Variants in SUPT3H observed in about 807,000 individuals in gnomAD.
SUPT3H encodes transcription initiation protein SPT3 homolog.
A neutral mutation model predicts 44.3 loss-of-function variants in SUPT3H; 44 were observed. The observed-to-expected ratio is 0.99, with a 90% confidence interval of 0.78 to 1.28. The LOEUF (loss-of-function observed/expected upper bound fraction) is 1.28, where lower values mean the gene tolerates loss of function less well. SUPT3H is among the 50% of genes most tolerant of loss of function. SUPT3H has a pLI of 0.00. For missense variants in SUPT3H, 380 were observed against 387.1 expected, an observed-to-expected ratio of 0.98 and a Z score of 0.15; for synonymous variants, 124 against 125.6, an observed-to-expected ratio of 0.99 and a Z score of 0.09.
At chr6:45,372,088 TG>T (rs1489032078) in intron 1 of SUPT3H, 1 of 911,326 alleles carries the variant, frequency 1.1e-6, no homozygotes, top group Non-Finnish European at 1.3e-6. Context: ...CAGTGAACTG[TG>T]TTGTGAAATA....
rs114378357 is a variant in SUPT3H, at chr6:44,867,604, C to T, written c.913-37747G>A. ...GTAATAAGCAATTCCATCCCCAATGCGGACTTAGAATCACAGCCTACATGT... is the reference window on the plus strand; with the variant it reads ...GTAATAAGCAATTCCATCCCCAATGTGGACTTAGAATCACAGCCTACATGT... On this transcript the variant is annotated intron_variant, in intron 10 of 10. Transcript: ENST00000371459. 2.6e-5 allele frequency among the ~76,000 whole-genome samples: 4 copies of T among 152,172 alleles called. No individual in the cohort carries two copies. In the East Asian group the frequency reaches 7.7e-4, roughly 29 times the overall value.
chr6:45,270,819 TC>T (rs1253693404), intron 2 of SUPT3H, among the ~76,000 whole-genome samples: 1 of 152,182 alleles, frequency 6.6e-6, no homozygotes, highest in Admixed American at 6.5e-5. Flanking sequence ...AGCTTGGAAC[TC>T]CCTAGAGACT....
At chr6:44,874,956 AC>A (rs1777014433) in intron 10 of SUPT3H, among the ~76,000 whole-genome samples, 1 of 124,294 alleles carries the variant, frequency 8.0e-6, no homozygotes, top group South Asian at 3.3e-4. Context: ...GATGTGAAGG[AC>A]CTCTTCAAGG....
At chr6:44,846,523 G>C (rs1303142546) in intron 10 of SUPT3H, among the ~76,000 whole-genome samples, 1 of 152,186 alleles carries the variant, frequency 6.6e-6, no homozygotes, top group Non-Finnish European at 1.5e-5. Flanking sequence ...GTGGGAAAAA[G>C]GAGGTAAGAC....
intron 2 of SUPT3H, among the ~76,000 whole-genome samples, chr6:45,127,015 A>T (rs1194122831): frequency 6.6e-6 from 1 of 152,152 alleles, no homozygotes; most frequent in Non-Finnish European, 1.5e-5. Context: ...AATATTATTA[A>T]TAATAAAAAA....
In SUPT3H at chr6:44,996,191, A is replaced by G. The variant is rs1039461008; in HGVS notation, c.504+7462T>C. Among the ~76,000 whole-genome samples, 9 of 151,956 alleles carry G rather than the reference A, an allele frequency of 5.9e-5. 1 individual carries two copies. Among genetic ancestry groups the G allele is most frequent in the African/African-American group, 2.2e-4 (9 of 41,518 alleles). ...TTAAAATACTTTCTCGGTTTTACTA[A>G]TCTACATTTCCACAGTTAATGTGTT... On this transcript the variant is annotated intron_variant, in intron 6 of 10. Transcript: ENST00000371459.
rs868256278 is a variant in SUPT3H at position 45,001,511 on chromosome 6, A to G, written c.504+2142T>C. Among the ~76,000 whole-genome samples the G allele has an allele frequency of 9.2e-5, 14 of 152,216 alleles. 1 individual carries two copies. Among genetic ancestry groups the G allele is most frequent in the Middle Eastern group, 3.4e-3 (1 of 294 alleles). On this transcript the variant is annotated intron_variant, in intron 6 of 10. Coordinates refer to ENST00000371459, the MANE Select transcript of SUPT3H (RefSeq NM_003599.4). ...AATGAAGTAAATTATGGATGAAACT[A>G]AAGCCAAGCACACATACATCAGCTG...
intron 2 of SUPT3H, among the ~76,000 whole-genome samples, chr6:45,114,019 T>C (rs1800471634): frequency 6.6e-6 from 1 of 151,836 alleles, no homozygotes; most frequent in African/African-American, 2.4e-5. Context: ...GAAATAAATA[T>C]AAATATGTGA....
At chr6:45,290,476 A>T (rs1780138007) in intron 2 of SUPT3H, among the ~76,000 whole-genome samples, 1 of 148,334 alleles carries the variant, frequency 6.7e-6, no homozygotes, top group East Asian at 2.0e-4. Context: ...AAAAAAAAGC[A>T]GAGGGTAGGG....
Position 44,946,089 on chromosome 6 carries a change from C to T in SUPT3H, c.801+7221G>A, listed in dbSNP as rs114257157. On this transcript the variant is annotated intron_variant, in intron 9 of 10. Transcript: ENST00000371459. The stretch of plus-strand genomic sequence containing the variant: ...ATGCTCTATAAGTGGAACAACAAAG[C>T]CTAGATGACAGCATATCCATTTACA... 2.5e-3 allele frequency among the ~76,000 whole-genome samples: 387 copies of T among 152,238 alleles called. 2 individuals carry two copies. Among genetic ancestry groups the T allele is most frequent in the Middle Eastern group, 0.01 (3 of 294 alleles).
chr6:45,185,240 C>T (rs1813993635), intron 2 of SUPT3H, among the ~76,000 whole-genome samples: 1 of 152,142 alleles, frequency 6.6e-6, no homozygotes, highest in African/African-American at 2.4e-5. Flanking sequence ...AGCTAATCGC[C>T]ACTATGTCTG....
chr6:45,012,098 T>G (rs1366377899), intron 5 of SUPT3H, among the ~76,000 whole-genome samples: 13 of 134,950 alleles, frequency 9.6e-5, no homozygotes, highest in South Asian at 5.1e-4. Flanking sequence ...TTTTTGTCTG[T>G]TTTTTTTTTT....
At chr6:45,277,268 G>A (rs1777175298) in intron 2 of SUPT3H, among the ~76,000 whole-genome samples, 1 of 151,984 alleles carries the variant, frequency 6.6e-6, no homozygotes, top group Admixed American at 6.6e-5. Flanking sequence ...CTATTTTTAT[G>A]TTACTGCATA....
At chr6:45,017,383 C>A (rs1225836885) in intron 4 of SUPT3H, among the ~76,000 whole-genome samples, 2 of 151,004 alleles carry the variant, frequency 1.3e-5, no homozygotes, top group Non-Finnish European at 3.0e-5. Flanking sequence ...GCTTTTGTTG[C>A]CATTGCTTTT....
At chr6:45,065,583 A>T (rs1487079081) in intron 3 of SUPT3H, among the ~76,000 whole-genome samples, 2 of 151,736 alleles carry the variant, frequency 1.3e-5, no homozygotes, top group African/African-American at 4.9e-5. Flanking sequence ...AAAGAAAAAA[A>T]GAGACAAGAA....
At chr6:45,233,513 A>C (rs1312528645) in intron 2 of SUPT3H, among the ~76,000 whole-genome samples, 5 of 152,128 alleles carry the variant, frequency 3.3e-5, no homozygotes, top group Non-Finnish European at 1.5e-5. Context: ...TCTGGTTCCA[A>C]CCACAGTACT....
intron 2 of SUPT3H, among the ~76,000 whole-genome samples, chr6:45,226,254 T>C (rs887054173): frequency 6.6e-6 from 1 of 152,176 alleles, no homozygotes; most frequent in African/African-American, 2.4e-5. Context: ...GCAGCTAAAT[T>C]GTTTTGCTTT....
intron 2 of SUPT3H, among the ~76,000 whole-genome samples, chr6:45,217,768 T>C (rs6458430): frequency 0.61 from 92,993 of 151,588 alleles, 29,037 homozygotes; most frequent in African/African-American, 0.74. Flanking sequence ...CGTGTGCCTG[T>C]AGTCCTAGCT....
intron 2 of SUPT3H, among the ~76,000 whole-genome samples, chr6:45,185,437 GA>G (rs1320125495): frequency 6.6e-6 from 1 of 152,274 alleles, no homozygotes; most frequent in African/African-American, 2.4e-5. Context: ...ATGCAAAGGA[GA>G]TTTTTTTGTC....
Sources: gnomAD v4.1 joint callset for allele counts (sites outside exome capture counted in the v4.1 genomes callset) on GRCh38, gnomAD v4.1.1 for gene constraint, MANE v1.5 for transcripts, NCBI Gene and HGNC (gene_info 2026-07-23, HGNC 2026-07-21) for gene names.